Variants in PFKFB3 observed in about 807,000 individuals in gnomAD.
The protein encoded by PFKFB3 is 6-phosphofructo-2-kinase/fructose-2,6-bisphosphatase 3.
Under a neutral mutation model 68.0 loss-of-function variants are expected in PFKFB3, and 33 were observed. The observed-to-expected ratio is 0.49, with a 90% CI of 0.37 to 0.65. PFKFB3 has a LOEUF of 0.65. Ranked by LOEUF, PFKFB3 falls within the 30% of genes least tolerant of loss-of-function variation. The probability of loss-of-function intolerance (pLI) is 0.00; values close to 1 mark genes in which losing one functional copy is unlikely to be tolerated. For synonymous variants in PFKFB3, 315 were observed against 288.2 expected, an observed-to-expected ratio of 1.09 and a Z score of -0.94; for missense variants, 586 against 712.2, an observed-to-expected ratio of 0.82 and a Z score of 2.02.
At position 6,229,722 on chromosome 10, in the gene PFKFB3, A is replaced by G. The variant is rs1564217103; in HGVS notation, c.1516-3173A>G. ...GAGCCTGAAGGTTTTACATCTGTGC[A>G]TGTCCTGATCCTTTAGACCAGCAGT... On this transcript the variant is annotated intron_variant, in intron 14 of 14. Coordinates refer to ENST00000379775, the MANE Select transcript of PFKFB3 (RefSeq NM_004566.4). This position sits in a 1 kb window ranked among gnomAD's most constrained non-coding sequence, Gnocchi z 4.3. Among the ~76,000 whole-genome samples the G allele has an allele frequency of 6.6e-6, 1 of 152,138 alleles. No homozygotes were observed. The highest frequency in any genetic ancestry group is 2.4e-5 in the African/African-American group (1 of 41,420).
intron 1 of PFKFB3, among the ~76,000 whole-genome samples, chr10:6,185,505 C>T (rs1483441403): frequency 2.0e-5 from 3 of 152,314 alleles, no homozygotes; most frequent in Middle Eastern, 3.4e-3. Flanking sequence ...GGTCTCCCAT[C>T]GGCTCACCTC....
intron 4 of PFKFB3, among the ~76,000 whole-genome samples, 188 bp from the exon 5 acceptor site, chr10:6,216,518 G>A (rs1331249407): frequency 6.6e-6 from 1 of 151,812 alleles, no homozygotes; most frequent in Non-Finnish European, 1.5e-5. Flanking sequence ...CCTGAGTGCT[G>A]TTGGTAGTTG....
intron 1 of PFKFB3, among the ~76,000 whole-genome samples, chr10:6,165,978 CTTT>C (rs35266127): frequency 1.6e-5 from 2 of 124,868 alleles, no homozygotes. Context: ...CCAGGCTCAA[CTTT>C]TTTTTTTTTT....
rs571907932 is a variant in PFKFB3 at position 6,157,468 on chromosome 10, C to T, written c.16+12455C>T. Among the ~76,000 whole-genome samples, 1,410 of 152,232 alleles carry T rather than the reference C, an allele frequency of 9.3e-3. 21 individuals carry two copies. Among genetic ancestry groups the T allele is most frequent in the Non-Finnish European group, 0.012 (795 of 68,000 alleles). ...GTCTCGATCTCCTGACCTCGTGATCCGCCCGCCTCGGCCTCCCAAAGTGCT... is the reference window on the plus strand; with the variant it reads ...GTCTCGATCTCCTGACCTCGTGATCTGCCCGCCTCGGCCTCCCAAAGTGCT... On this transcript the variant is annotated intron_variant, in intron 1 of 14. Transcript: ENST00000379789.
At chr10:6,202,886 C>G (rs950253812), upstream of PFKFB3, 1 of 1,075,064 alleles carries the variant, frequency 9.3e-7, no homozygotes, top group East Asian at 8.0e-5. Context: ...TACGCGTCTG[C>G]GGCCAGCCCG....
In PFKFB3 at chr10:6,245,314, C is replaced by A. The variant is rs561838011; in HGVS notation, c.1516-8864C>A. On this transcript the variant is annotated intron_variant, in intron 14 of 14. Transcript: ENST00000640683. Reference sequence around the variant, plus strand: ...GTTTCACCATGTTGGCCAGACTGGTCTCGAACTCCTGACCTTGTGATCTGC... The same window carrying A: ...GTTTCACCATGTTGGCCAGACTGGTATCGAACTCCTGACCTTGTGATCTGC... Among the ~76,000 whole-genome samples the A allele has an allele frequency of 3.2e-4, 48 of 152,174 alleles. No homozygotes were observed. The South Asian group carries it at 9.8e-3, about 31-fold the overall frequency.
chr10:6,222,291 C>G (rs2131989379), intron 10 of PFKFB3, among the ~76,000 whole-genome samples: 1 of 152,350 alleles, frequency 6.6e-6, no homozygotes, highest in Admixed American at 6.5e-5. Flanking sequence ...AGGAGCTTTT[C>G]TGGTCTTTTT....
chr10:6,306,594 G>A, the PFKFB3 span, among the ~76,000 whole-genome samples: 153 of 152,272 alleles, frequency 1.0e-3, 1 homozygote, highest in African/African-American at 3.2e-3. Flanking sequence ...AAAAAGAAAT[G>A]TATGAAAACC....
intron 14 of PFKFB3, among the ~76,000 whole-genome samples, chr10:6,253,324 T>A (rs1344112662): frequency 6.6e-6 from 1 of 152,256 alleles, no homozygotes; most frequent in African/African-American, 2.4e-5. Context: ...GTTAGTCTTC[T>A]TCCTAGGTGG....
the PFKFB3 span, among the ~76,000 whole-genome samples, chr10:6,310,593 A>G: frequency 1.6e-4 from 25 of 152,328 alleles, no homozygotes; most frequent in African/African-American, 5.8e-4. Context: ...GCTGACGAGC[A>G]TTTGTTTATA....
At chr10:6,156,129 ATGTGTGTGTG>A (rs112267780) in intron 1 of PFKFB3, among the ~76,000 whole-genome samples, 19 of 96,988 alleles carry the variant, frequency 2.0e-4, no homozygotes, top group South Asian at 1.3e-3. Flanking sequence ...GTACATATAT[ATGTGTGTGTG>A]TGTGTGTGTG....
intron 14 of PFKFB3, among the ~76,000 whole-genome samples, chr10:6,247,111 T>G (rs1846279137): frequency 6.6e-6 from 1 of 152,186 alleles, no homozygotes; most frequent in African/African-American, 2.4e-5. Context: ...GCAAGATGTC[T>G]AAACGGCTGT....
At chr10:6,182,603 C>T (rs17151529) in intron 1 of PFKFB3, among the ~76,000 whole-genome samples, 37,313 of 152,130 alleles carry the variant, frequency 0.25, 4,925 homozygotes, top group Non-Finnish European at 0.3. Context: ...AGGTCCCGAG[C>T]GGGAGTGCCG....
chr10:6,302,642 A>G, the PFKFB3 span, among the ~76,000 whole-genome samples: 1 of 150,194 alleles, frequency 6.7e-6, no homozygotes, highest in Admixed American at 6.6e-5. Context: ...CGGCCTCCCA[A>G]AGTGCTGGGA....
chr10:6,242,584 C>T (rs980058905), intron 14 of PFKFB3, among the ~76,000 whole-genome samples: 2 of 138,796 alleles, frequency 1.4e-5, no homozygotes, highest in East Asian at 4.1e-4. Flanking sequence ...AAGCAGTGTT[C>T]TGTAAACATT....
rs953955365 is a variant in PFKFB3, at chr10:6,228,121, G to T, written c.1515+1756G>T. 14 of 1,557,664 alleles carry T rather than the reference G, an allele frequency of 9.0e-6. No individual in the cohort carries two copies. Among genetic ancestry groups the T allele is most frequent in the Non-Finnish European group, 1.2e-5 (13 of 1,130,196 alleles). The stretch of plus-strand genomic sequence containing the variant: ...GAAGCTGCTGGCTGGGCCGGCGTGG[G>T]GTTTTTCAGGGCTTCGTCCCTGCAG... On this transcript the variant is annotated intron_variant, in intron 14 of 14. Transcript: ENST00000379775. The surrounding 1 kb of genome is among the most constrained non-coding windows in gnomAD (Gnocchi z 4.5).
At chr10:6,261,323 G>A in the PFKFB3 span, among the ~76,000 whole-genome samples, 313 of 152,308 alleles carry the variant, frequency 2.1e-3, 3 homozygotes, top group African/African-American at 7.1e-3. Context: ...TAATCTGTCA[G>A]TTGCCTTTTA....
At chr10:6,223,325 C>G (rs369963447) in intron 11 of PFKFB3, among the ~76,000 whole-genome samples, 30 of 152,270 alleles carry the variant, frequency 2.0e-4, no homozygotes, top group African/African-American at 7.0e-4. Flanking sequence ...ACAAACAGCC[C>G]GGAAAACTCT....
chr10:6,177,340 G>GTTTCT (rs1013925509), intron 1 of PFKFB3, among the ~76,000 whole-genome samples: 2 of 111,140 alleles, frequency 1.8e-5, no homozygotes, highest in Non-Finnish European at 4.2e-5. Flanking sequence ...TTTGTGGGAT[G>GTTTCT]TTTCTTTTCT....
Sources: gnomAD v4.1 joint callset for allele counts (sites outside exome capture counted in the v4.1 genomes callset) on GRCh38, gnomAD v4.1.1 for gene constraint, Gnocchi (gnomAD v3.1) non-coding constraint, MANE v1.5 for transcripts, NCBI Gene and HGNC (gene_info 2026-07-23, HGNC 2026-07-21) for gene names.